NSMCE2: variants seen among roughly 807,000 people sequenced by gnomAD.
NSMCE2 encodes the protein NSE2 SUMO ligase component of SMC5/6 complex, also known as E3 SUMO-protein ligase NSE2.
In NSMCE2, 24 loss-of-function variants were observed where a neutral mutation model predicts 23.8. The observed-to-expected ratio is 1.01, with a 90% CI of 0.73 to 1.42. The LOEUF is 1.42. Among genes scored for constraint, NSMCE2 ranks in the 40% most tolerant of loss-of-function variants. The pLI, the probability that NSMCE2 is intolerant of heterozygous loss-of-function variation, is 0.00. For missense variants in NSMCE2, 284 were observed against 296.5 expected, an observed-to-expected ratio of 0.96 and a Z score of 0.31; for synonymous variants, 92 against 94.1, an observed-to-expected ratio of 0.98 and a Z score of 0.13.
rs900500643 is a variant in NSMCE2, at chr8:125,125,543, A to C, written c.157+23056A>C. Among the ~76,000 whole-genome samples the C allele has an allele frequency of 2.0e-5, 3 of 152,372 alleles. No homozygotes were observed. The East Asian group carries it at 5.8e-4, about 29-fold the overall frequency. ...AATTGCAGGAAACAGTGAAGGCACC[A>C]TGGAGTTAGTGGTCAATTCTAGCAG... On this transcript the variant is annotated intron_variant, in intron 3 of 7. Coordinates refer to ENST00000287437, the MANE Select transcript of NSMCE2 (RefSeq NM_173685.4).
intron 5 of NSMCE2, among the ~76,000 whole-genome samples, chr8:125,340,348 T>TA (rs1445622618): frequency 1.3e-5 from 2 of 152,260 alleles, no homozygotes; most frequent in Admixed American, 6.5e-5. Flanking sequence ...CAATGCTCTT[T>TA]ACCGTTTAGT....
intron 5 of NSMCE2, among the ~76,000 whole-genome samples, chr8:125,188,409 T>C (rs1823201086): frequency 6.6e-6 from 1 of 152,198 alleles, no homozygotes; most frequent in South Asian, 2.1e-4. Context: ...AAAACCATCA[T>C]GTGCTTGAGA....
chr8:125,269,863 TA>T (rs1345051550), intron 5 of NSMCE2, among the ~76,000 whole-genome samples: 9 of 152,226 alleles, frequency 5.9e-5, no homozygotes, highest in African/African-American at 2.2e-4. Flanking sequence ...CAAAGTAAGC[TA>T]AACATAACTT....
At chr8:125,099,039 A>T (rs1487118073) in intron 1 of NSMCE2, among the ~76,000 whole-genome samples, 1 of 152,162 alleles carries the variant, frequency 6.6e-6, no homozygotes, top group African/African-American at 2.4e-5. Flanking sequence ...TCCTTCTTTC[A>T]GCAAGCCTTT....
intron 1 of NSMCE2, among the ~76,000 whole-genome samples, chr8:125,100,357 A>G (rs1463744848): frequency 6.6e-6 from 1 of 151,982 alleles, no homozygotes; most frequent in African/African-American, 2.4e-5. Flanking sequence ...CTTCTCCATT[A>G]CCCTTCCATC....
chr8:125,360,824 T>C (rs1813507170), intron 7 of NSMCE2, among the ~76,000 whole-genome samples: 1 of 152,196 alleles, frequency 6.6e-6, no homozygotes, highest in Non-Finnish European at 1.5e-5. Flanking sequence ...TCCTCCTAGA[T>C]TGTTCTAGTT....
chr8:125,205,513 CACTG>C (rs973620105), intron 5 of NSMCE2, among the ~76,000 whole-genome samples: 48 of 152,310 alleles, frequency 3.2e-4, no homozygotes, highest in African/African-American at 1.1e-3. Context: ...CCAGGAGACA[CACTG>C]ACTGAAACAC....
intron 3 of NSMCE2, among the ~76,000 whole-genome samples, chr8:125,117,378 C>A (rs148568722): frequency 6.6e-6 from 1 of 152,204 alleles, no homozygotes; most frequent in East Asian, 1.9e-4. Flanking sequence ...TGAGCCACTG[C>A]TCCCAGCCTT....
chr8:125,154,370 C>G (rs1821198895), intron 4 of NSMCE2, among the ~76,000 whole-genome samples: 1 of 152,124 alleles, frequency 6.6e-6, no homozygotes, highest in Non-Finnish European at 1.5e-5. Flanking sequence ...AACTTACCAA[C>G]AATCCCTGGG....
At chr8:125,305,655 A>G (rs888066040) in intron 5 of NSMCE2, among the ~76,000 whole-genome samples, 4 of 152,220 alleles carry the variant, frequency 2.6e-5, no homozygotes, top group African/African-American at 7.2e-5. Context: ...CCCTCAGTAA[A>G]TGAAGGCTAG....
At chr8:125,270,048 G>C (rs1827111579) in intron 5 of NSMCE2, among the ~76,000 whole-genome samples, 1 of 152,160 alleles carries the variant, frequency 6.6e-6, no homozygotes, top group African/African-American at 2.4e-5. Context: ...AACTGTAGTA[G>C]CAATAAGCAT....
intron 5 of NSMCE2, among the ~76,000 whole-genome samples, chr8:125,208,048 A>G (rs529473444): frequency 6.6e-6 from 1 of 152,346 alleles, no homozygotes; most frequent in South Asian, 2.1e-4. Context: ...CCAGATTGTC[A>G]GTCAGCCATC....
intron 5 of NSMCE2, among the ~76,000 whole-genome samples, chr8:125,261,029 T>C (rs1826670040): frequency 6.6e-6 from 1 of 152,170 alleles, no homozygotes; most frequent in Admixed American, 6.5e-5. Flanking sequence ...CAGAGAAAAG[T>C]ATATAATCAT....
rs143314902 is a variant in NSMCE2 at position 125,331,914 on chromosome 8, G to A, written c.419-25305G>A. 1.1e-4 allele frequency among the ~76,000 whole-genome samples: 17 copies of A among 152,294 alleles called. 1 individual carries two copies. The East Asian group carries it at 3.3e-3, about 29-fold the overall frequency. ...CTTCAGTCAGATATGGCCTGTGCAA[G>A]GGCAAACAGTAGTTCCATATTTCAT... On this transcript the variant is annotated intron_variant, in intron 5 of 7. Transcript: ENST00000287437.
chr8:125,258,924 C>T lies in NSMCE2; in HGVS notation c.418+76668C>T, dbSNP rs568926082. Among the ~76,000 whole-genome samples the T allele has an allele frequency of 6.6e-5, 10 of 152,186 alleles. No individual in the cohort carries two copies. In the South Asian group the frequency reaches 2.1e-3, roughly 32 times the overall value. ...AGAGCTTTGTTTTCTGTTTTTGAGA[C>T]AGAGTTTTGCTCTTGTTGCCCAGGC... On this transcript the variant is annotated intron_variant, in intron 5 of 7. Transcript: ENST00000287437.
At chr8:125,253,727 C>T (rs1446831248) in intron 5 of NSMCE2, among the ~76,000 whole-genome samples, 9 of 152,150 alleles carry the variant, frequency 5.9e-5, no homozygotes, top group Non-Finnish European at 1.2e-4. Context: ...CTCCAGAAAG[C>T]TTAAAATGAA....
intron 3 of NSMCE2, among the ~76,000 whole-genome samples, chr8:125,126,180 C>T (rs554813827): frequency 8.5e-4 from 130 of 152,082 alleles, no homozygotes; most frequent in African/African-American, 2.7e-3. Flanking sequence ...GTCAGGAGTT[C>T]GAGACCAGCT....
chr8:125,356,277 G>A (rs958696074), intron 5 of NSMCE2, among the ~76,000 whole-genome samples: 5 of 144,936 alleles, frequency 3.4e-5, no homozygotes, highest in African/African-American at 5.1e-5. Flanking sequence ...CTTTTAAAAT[G>A]TTTATGGTAA....
At chr8:125,173,307 G>C (rs1176063791) in intron 4 of NSMCE2, among the ~76,000 whole-genome samples, 1 of 152,150 alleles carries the variant, frequency 6.6e-6, no homozygotes, top group Non-Finnish European at 1.5e-5. Flanking sequence ...ATTGCAAGTT[G>C]GTCATTAGGT....
Sources: gnomAD v4.1 joint callset for allele counts (sites outside exome capture counted in the v4.1 genomes callset) on GRCh38, gnomAD v4.1.1 for gene constraint, MANE v1.5 for transcripts, NCBI Gene and HGNC (gene_info 2026-07-23, HGNC 2026-07-21) for gene names.